The following CHCHD2 variants were observed in gnomAD, a reference collection of about 807,000 sequenced individuals.
CHCHD2 encodes coiled-coil-helix-coiled-coil-helix domain-containing protein 2.
A neutral mutation model predicts 17.5 loss-of-function variants in CHCHD2; 17 were observed. That is an observed-to-expected ratio of 0.97 (90% CI 0.67 to 1.46). CHCHD2 has a LOEUF of 1.46. Ranked by LOEUF, CHCHD2 falls within the 40% of genes most tolerant of loss-of-function variation. CHCHD2 has a pLI of 0.00. For synonymous variants in CHCHD2, 63 were observed against 74.3 expected, an observed-to-expected ratio of 0.85 and a Z score of 0.78; for missense variants, 175 against 199.9, an observed-to-expected ratio of 0.88 and a Z score of 0.75.
At chr7:56,106,164 A>G (rs1785379798) in intron 1 of CHCHD2, among the ~76,000 whole-genome samples, 200 bp downstream of exon 1, 1 of 152,120 alleles carries the variant, frequency 6.6e-6, no homozygotes, top group Non-Finnish European at 1.5e-5. Flanking sequence ...TTGTTTGGAT[A>G]GGAAGCTTTT....
intron 2 of CHCHD2, among the ~76,000 whole-genome samples, chr7:56,103,947 T>G (rs1026379850): frequency 3.9e-5 from 6 of 152,216 alleles, no homozygotes; most frequent in Non-Finnish European, 8.8e-5. Context: ...GAAGTGTCAC[T>G]GGGATGAAAT....
rs1554374857 is a variant in CHCHD2, at chr7:56,104,279, C to T, written c.247G>A (p.Gly83Ser). 1 of 1,613,808 alleles carries T rather than the reference C, an allele frequency of 6.2e-7. No homozygotes were observed. Among genetic ancestry groups the T allele is most frequent in the Non-Finnish European group, 8.5e-7 (1 of 1,179,736 alleles). The change falls in exon 2 of 4, where the codon GGC becomes AGC. Residue 83 changes from glycine to serine, a missense_variant. Transcript: ENST00000395422. ...TCAGCATTACTTCCTCCACTGAAGC[C>T]CCCAGTAATGGCGTGACCCAATGTG... ...GHTLGHAITG[G>S]FSGGSNAEPA... is the part of the protein sequence containing the mutation.
At chr7:56,103,095 G>GT in intron 2 of CHCHD2, 84 bp from the exon 3 acceptor site, 1 of 1,446,530 alleles carries the variant, frequency 6.9e-7, no homozygotes, top group African/African-American at 1.4e-5. Context: ...CCTCTTTGAG[G>GT]TTAATGGAAA....
chr7:56,103,218 G>A (rs1183103766), intron 2 of CHCHD2, among the ~76,000 whole-genome samples: 2 of 152,156 alleles, frequency 1.3e-5, no homozygotes, highest in African/African-American at 4.8e-5. Context: ...GGTGGCTCAC[G>A]CCTGTAATTC....
At chr7:56,103,297 T>C (rs1380342999) in intron 2 of CHCHD2, among the ~76,000 whole-genome samples, 1 of 152,092 alleles carries the variant, frequency 6.6e-6, no homozygotes, top group East Asian at 1.9e-4. Flanking sequence ...CTGGCCAATA[T>C]GGTGAAACCC....
chr7:56,104,565 C>T, intron 1 of CHCHD2, 90 bp from the exon 2 acceptor site: 3 of 1,302,450 alleles, frequency 2.3e-6, no homozygotes, highest in South Asian at 3.3e-5. Flanking sequence ...TTAAAATGGA[C>T]CTCAAGATTT....
Position 56,102,920 on chromosome 7 carries a change from A to AT in CHCHD2, c.391dup (p.Ile131AsnfsTer5). On this transcript the variant is annotated frameshift_variant, in exon 3 of 4. Coordinates refer to ENST00000395422, the MANE Select transcript of CHCHD2 (RefSeq NM_016139.4). LOFTEE classifies it high-confidence loss of function. ...CTCATTGAAACCCTCACAGAGCTTGATGTCACCCTGGTTCTGGGCACACTC... is the reference window on the plus strand; with the variant it reads ...CTCATTGAAACCCTCACAGAGCTTGATTGTCACCCTGGTTCTGGGCACACTC... 6.2e-7 allele frequency: 1 copy of AT among 1,614,072 alleles called. No individual in the cohort carries two copies. Among genetic ancestry groups the AT allele is most frequent in the Non-Finnish European group, 8.5e-7 (1 of 1,179,962 alleles).
chr7:56,103,555 A>G (rs1440179315), intron 2 of CHCHD2, among the ~76,000 whole-genome samples: 1 of 152,218 alleles, frequency 6.6e-6, no homozygotes, highest in African/African-American at 2.4e-5. Flanking sequence ...CAGCCTCCCA[A>G]TGTGCTGGGA....
chr7:56,106,275 TCACCCCC>T, intron 1 of CHCHD2, 82 bp downstream of exon 1: 1 of 1,316,012 alleles, frequency 7.6e-7, no homozygotes, highest in Admixed American at 2.3e-5. Flanking sequence ...CGACCTTAGT[TCACCCCC>T]GCCCGCGGCC....
intron 1 of CHCHD2, among the ~76,000 whole-genome samples, chr7:56,105,121 G>A (rs1785359068): frequency 6.6e-6 from 1 of 151,378 alleles, no homozygotes; most frequent in Non-Finnish European, 1.5e-5. Flanking sequence ...ATGTTGGCCA[G>A]GCTCGTCTCG....
intron 3 of CHCHD2, among the ~76,000 whole-genome samples, chr7:56,102,416 G>GAA (rs967140671): frequency 1.3e-5 from 2 of 151,726 alleles, no homozygotes; most frequent in African/African-American, 4.8e-5. Flanking sequence ...GCCCAGGCTG[G>GAA]AATGCAGTGG....
rs966687002 is a variant in CHCHD2 at position 56,105,273 on chromosome 7, A to C, written c.51-798T>G. On this transcript the variant is annotated intron_variant, in intron 1 of 3. Transcript: ENST00000395422. ...ATACTAGTTTTTTCTGCTTCTTTGC[A>C]ACAATTTCCATGTATTCGGATAGCC... Among the ~76,000 whole-genome samples the C allele has an allele frequency of 1.2e-4, 18 of 152,312 alleles. No individual in the cohort carries two copies. The East Asian group carries it at 2.3e-3, about 20-fold the overall frequency.
At chr7:56,102,596 G>C in intron 3 of CHCHD2, 1 of 338,802 alleles carries the variant, frequency 3.0e-6, no homozygotes, top group Admixed American at 4.3e-5. Context: ...TCAAACTCCT[G>C]ACATCAGGTG....
At chr7:56,102,844 T>G (rs368108393) in intron 3 of CHCHD2, 23 bp downstream of exon 3, 1 of 1,612,856 alleles carries the variant, frequency 6.2e-7, no homozygotes, top group Non-Finnish European at 8.5e-7. Context: ...ATTAAGCAGA[T>G]GTAAATTGGA....
chr7:56,104,278 C>G lies in CHCHD2; in HGVS notation c.248G>C (p.Gly83Ala), dbSNP rs774716222. 2.5e-6 allele frequency: 4 copies of G among 1,613,558 alleles called. No individual in the cohort carries two copies. In the South Asian group the frequency reaches 4.4e-5, roughly 18 times the overall value. Reference protein sequence around the residue: ...GHTLGHAITGGFSGGSNAEPA... With the variant: ...GHTLGHAITGAFSGGSNAEPA... ...CTCAGCATTACTTCCTCCACTGAAG[C>G]CCCCAGTAATGGCGTGACCCAATGT... The change falls in exon 2 of 4, where the codon GGC becomes GCC. Residue 83 changes from glycine to alanine, a missense_variant. Transcript: ENST00000395422.
At chr7:56,102,156 T>G (rs1785296202) in intron 3 of CHCHD2, among the ~76,000 whole-genome samples, 1 of 151,998 alleles carries the variant, frequency 6.6e-6, no homozygotes, top group South Asian at 2.1e-4. Context: ...ACACCCTGAA[T>G]CTCCGGAGTT....
chr7:56,102,293 A>T (rs1320557847), intron 3 of CHCHD2, among the ~76,000 whole-genome samples: 1 of 152,074 alleles, frequency 6.6e-6, no homozygotes, highest in Non-Finnish European at 1.5e-5. Flanking sequence ...TTAAGGTTAG[A>T]AGGTCACTTA....
intron 1 of CHCHD2, among the ~76,000 whole-genome samples, chr7:56,104,735 G>A (rs1434776586): frequency 6.6e-6 from 1 of 151,784 alleles, no homozygotes; most frequent in Non-Finnish European, 1.5e-5. Context: ...AGCCTTCCGA[G>A]TAGCTGGGAT....
In CHCHD2 at chr7:56,106,448, G is replaced by C. The variant is rs748858900; in HGVS notation, c.-35C>G. 9 of 1,607,234 alleles carry C rather than the reference G, an allele frequency of 5.6e-6. No homozygotes were observed. The highest frequency in any genetic ancestry group is 7.7e-6 in the Non-Finnish European group (9 of 1,174,362). ...GCGACGGCTAGGCCTCCGGACGTGG[G>C]ACAACCACCGAAGAGCTAAGCGACT... On this transcript the variant is annotated 5_prime_UTR_variant, in exon 1 of 4. Coordinates refer to ENST00000395422, the MANE Select transcript of CHCHD2 (RefSeq NM_016139.4).
Sources: allele counts gnomAD v4.1 joint callset (sites outside exome capture counted in the v4.1 genomes callset), GRCh38; gene constraint gnomAD v4.1.1; transcripts MANE v1.5; gene names NCBI Gene and HGNC (gene_info 2026-07-23, HGNC 2026-07-21).